MEF2A: variants seen among roughly 807,000 people sequenced by gnomAD.
The protein encoded by MEF2A is myocyte-specific enhancer factor 2A.
A neutral mutation model predicts 55.8 loss-of-function variants in MEF2A; 28 were observed. The observed-to-expected ratio is 0.50, with a 90% CI of 0.37 to 0.69. The LOEUF (loss-of-function observed/expected upper bound fraction) is 0.69. Ranked by LOEUF, MEF2A falls within the 30% of genes least tolerant of loss-of-function variation. The pLI is 0.00. For synonymous variants in MEF2A, 239 were observed against 227.1 expected, an observed-to-expected ratio of 1.05 and a Z score of -0.47; for missense variants, 528 against 626.2, an observed-to-expected ratio of 0.84 and a Z score of 1.67.
intron 8 of MEF2A, among the ~76,000 whole-genome samples, chr15:99,696,432 G>C (rs1338637769): frequency 6.6e-6 from 1 of 152,036 alleles, no homozygotes; most frequent in African/African-American, 2.4e-5. Flanking sequence ...AATCAAACTA[G>C]AAATCAGTAA....
At chr15:99,584,813 A>G (rs1011961544) in intron 1 of MEF2A, among the ~76,000 whole-genome samples, 2 of 152,202 alleles carry the variant, frequency 1.3e-5, no homozygotes, top group African/African-American at 4.8e-5. Flanking sequence ...AAAACATTCA[A>G]GTGTATGCTT....
intron 2 of MEF2A, among the ~76,000 whole-genome samples, chr15:99,629,076 T>C (rs2042503202): frequency 6.6e-6 from 1 of 152,052 alleles, no homozygotes; most frequent in Non-Finnish European, 1.5e-5. Context: ...AAAAGTCAGC[T>C]AGCTATAACT....
intron 2 of MEF2A, among the ~76,000 whole-genome samples, chr15:99,609,886 G>A (rs1976515788): frequency 6.6e-6 from 1 of 151,970 alleles, no homozygotes; most frequent in South Asian, 2.1e-4. Flanking sequence ...TTTTGTGTGT[G>A]GAATGTAGTT....
chr15:99,710,827 A>G, intron 11 of MEF2A, 67 bp downstream of exon 11: 1 of 1,532,794 alleles, frequency 6.5e-7, no homozygotes, highest in Non-Finnish European at 8.9e-7. Flanking sequence ...CCTATCAGTG[A>G]CAGCCTTTTG....
intron 8 of MEF2A, among the ~76,000 whole-genome samples, chr15:99,694,007 A>T (rs1296659034): frequency 6.6e-6 from 1 of 152,240 alleles, no homozygotes; most frequent in Non-Finnish European, 1.5e-5. Flanking sequence ...CTGATACGTT[A>T]TTATTAACTG....
intron 4 of MEF2A, among the ~76,000 whole-genome samples, chr15:99,669,351 A>G (rs2050410827): frequency 6.6e-6 from 1 of 152,230 alleles, no homozygotes; most frequent in African/African-American, 2.4e-5. Context: ...TTCTGTTTCT[A>G]GTGCTGTGTA....
chr15:99,589,613 C>T (rs1033837406), intron 1 of MEF2A, among the ~76,000 whole-genome samples: 2 of 152,026 alleles, frequency 1.3e-5, no homozygotes, highest in African/African-American at 4.8e-5. Flanking sequence ...ATTTTTTCTT[C>T]TAAAATACGC....
intron 4 of MEF2A, among the ~76,000 whole-genome samples, chr15:99,647,323 TG>T (rs1265559459): frequency 6.7e-6 from 1 of 149,934 alleles, no homozygotes; most frequent in African/African-American, 2.4e-5. Flanking sequence ...TAAATCTATA[TG>T]TCTCATCAAA....
intron 1 of MEF2A, among the ~76,000 whole-genome samples, chr15:99,573,027 G>A (rs539403696): frequency 1.3e-5 from 2 of 152,140 alleles, no homozygotes; most frequent in Admixed American, 1.3e-4. Context: ...GGTGGCTCAC[G>A]CCTGTAATCC....
chr15:99,624,644 G>T (rs181585931), intron 2 of MEF2A, among the ~76,000 whole-genome samples: 1 of 152,146 alleles, frequency 6.6e-6, no homozygotes, highest in African/African-American at 2.4e-5. Context: ...GATTATTTTG[G>T]CTATTTGGAG....
At chr15:99,589,740 A>T (rs1201608072) in intron 1 of MEF2A, among the ~76,000 whole-genome samples, 3 of 152,084 alleles carry the variant, frequency 2.0e-5, no homozygotes, top group African/African-American at 2.4e-5. Context: ...TATTTGATCC[A>T]TGAGTTATTT....
chr15:99,640,562 T>TC (rs1430129707), intron 3 of MEF2A, among the ~76,000 whole-genome samples: 1 of 149,142 alleles, frequency 6.7e-6, no homozygotes, highest in African/African-American at 2.4e-5. Context: ...TTCTTTTCTT[T>TC]TTTTTTTTTT....
intron 2 of MEF2A, among the ~76,000 whole-genome samples, chr15:99,626,065 T>A (rs1201153516): frequency 6.6e-6 from 1 of 152,168 alleles, no homozygotes; most frequent in Non-Finnish European, 1.5e-5. Flanking sequence ...AATTCATCAA[T>A]GAAGCCATTG....
chr15:99,603,543 T>TTTTGTGTGTGTGTGTG (rs1555455133), intron 2 of MEF2A, among the ~76,000 whole-genome samples: 2 of 126,498 alleles, frequency 1.6e-5, no homozygotes, highest in East Asian at 2.4e-4. Flanking sequence ...CTGGCTGATT[T>TTTTGTGTGTGTGTGTG]TGTGTGTGTG....
At chr15:99,673,374 G>GA (rs1426477633) in intron 5 of MEF2A, among the ~76,000 whole-genome samples, 8 of 151,968 alleles carry the variant, frequency 5.3e-5, no homozygotes, top group Non-Finnish European at 8.8e-5. Context: ...TTTTACTTTT[G>GA]AAAAAAATTG....
chr15:99,668,366 T>A (rs2050199892), intron 4 of MEF2A, among the ~76,000 whole-genome samples: 1 of 152,222 alleles, frequency 6.6e-6, no homozygotes. Context: ...GTAGAAGACA[T>A]TTCTTTAAGA....
Position 99,650,065 on chromosome 15 carries a change from G to A in MEF2A, c.258+4301G>A, listed in dbSNP as rs150003632. Among the ~76,000 whole-genome samples, 656 of 152,186 alleles carry A rather than the reference G, an allele frequency of 4.3e-3. 4 individuals carry two copies. The highest frequency in any genetic ancestry group is 0.014 in the African/African-American group (597 of 41,518). The stretch of plus-strand genomic sequence containing the variant: ...TTTGTCTCTCTTGTTAATATCTGGT[G>A]CACTATTCCCAAAGAGAGGAGGTTT... On this transcript the variant is annotated intron_variant, in intron 4 of 11. Coordinates refer to ENST00000557942, the MANE Select transcript of MEF2A (RefSeq NM_001319206.4).
At chr15:99,567,626 A>AGTGTGTGTGTGT (rs1567124507) in intron 1 of MEF2A, among the ~76,000 whole-genome samples, 13 of 122,086 alleles carry the variant, frequency 1.1e-4, no homozygotes, top group African/African-American at 4.2e-4. Flanking sequence ...TTTTGTATGT[A>AGTGTGTGTGTGT]CTGTGTGTGT....
intron 1 of MEF2A, chr15:99,566,605 C>T (rs1037490665): frequency 6.6e-6 from 1 of 152,302 alleles, no homozygotes; most frequent in African/African-American, 2.4e-5. Flanking sequence ...AGAAGGTGCG[C>T]TCTGAGGGCC....
Sources: gnomAD v4.1 joint callset for allele counts (sites outside exome capture counted in the v4.1 genomes callset) on GRCh38, gnomAD v4.1.1 for gene constraint, MANE v1.5 for transcripts, NCBI Gene and HGNC (gene_info 2026-07-23, HGNC 2026-07-21) for gene names.